The following GPAM variants were observed in gnomAD, a reference collection of about 807,000 sequenced individuals.
GPAM encodes glycerol-3-phosphate acyltransferase, mitochondrial.
GPAM carries 56 observed loss-of-function variants against 105.0 expected under a neutral mutation model. The ratio of observed to expected loss-of-function variants is 0.53; its 90% CI spans 0.43 to 0.67. GPAM has a LOEUF of 0.67. GPAM is among the 30% of genes least tolerant of loss of function. The pLI is 0.00. For missense variants in GPAM, 855 were observed against 989.8 expected, an observed-to-expected ratio of 0.86 and a Z score of 1.83; for synonymous variants, 368 against 354.4, an observed-to-expected ratio of 1.04 and a Z score of -0.43.
intron 20 of GPAM, 78 bp downstream of exon 20, chr10:112,155,786 A>T: frequency 1.1e-6 from 1 of 910,184 alleles, no homozygotes; most frequent in Non-Finnish European, 1.7e-6. Flanking sequence ...CATTTTTCCA[A>T]TTTTCTACAA....
chr10:112,189,159 A>T (rs1424336722), intron 1 of GPAM, among the ~76,000 whole-genome samples: 3 of 152,238 alleles, frequency 2.0e-5, no homozygotes, highest in Admixed American at 6.5e-5. Context: ...AAATATAATG[A>T]TTGTTCTATC....
intron 7 of GPAM, 36 bp downstream of exon 7, chr10:112,173,663 C>T: frequency 6.2e-7 from 1 of 1,602,272 alleles, no homozygotes; most frequent in Non-Finnish European, 8.6e-7. Flanking sequence ...ATCAGCATGG[C>T]TGTGATTGAA....
intron 1 of GPAM, among the ~76,000 whole-genome samples, chr10:112,213,314 A>G (rs1302890810): frequency 3.3e-5 from 5 of 152,142 alleles, no homozygotes; most frequent in African/African-American, 4.8e-5. Context: ...CTTAACTTAT[A>G]GTTTGCTCAT....
At chr10:112,181,319 A>T (rs1434272890) in intron 3 of GPAM, among the ~76,000 whole-genome samples, 1 of 152,096 alleles carries the variant, frequency 6.6e-6, no homozygotes, top group Non-Finnish European at 1.5e-5. Context: ...TAAGTTCCTA[A>T]TTTTTTAAAG....
In GPAM at chr10:112,150,765, C is replaced by T; in HGVS notation, c.*2785G>A. On this transcript the variant is annotated 3_prime_UTR_variant, in exon 22 of 22. Transcript: ENST00000348367. ...TGCAAACTTGGTTTCCCAGCAACAC[C>T]ATTTCTATAAAACACTGATGAACAT... 1.0e-6 allele frequency: 1 copy of T among 985,314 alleles called. No homozygotes were observed. The highest frequency in any genetic ancestry group is 1.7e-5 in the African/African-American group (1 of 57,340). 61.0% of individuals were successfully genotyped at this position (985,314 alleles called of 1,614,324 possible). A position where few individuals can be genotyped will look rare whatever the true frequency, so the allele number is the denominator to read the frequency against.
At chr10:112,200,257 AG>A (rs1177972237) in intron 1 of GPAM, among the ~76,000 whole-genome samples, 4 of 148,324 alleles carry the variant, frequency 2.7e-5, no homozygotes, top group African/African-American at 7.4e-5. Context: ...AGAGAGAGAG[AG>A]AGAGAGAGAG....
intron 17 of GPAM, among the ~76,000 whole-genome samples, chr10:112,158,619 C>T (rs1317031022): frequency 6.6e-6 from 1 of 152,154 alleles, no homozygotes; most frequent in Non-Finnish European, 1.5e-5. Flanking sequence ...GAGCACCCAA[C>T]ACTGCACCAC....
upstream of GPAM, among the ~76,000 whole-genome samples, chr10:112,220,272 G>C (rs78907895): frequency 2.0e-5 from 3 of 152,076 alleles, no homozygotes; most frequent in Admixed American, 6.5e-5. Flanking sequence ...TGAATGTTTC[G>C]GGTGATTGAT....
chr10:112,207,695 T>C (rs902250306), intron 1 of GPAM, among the ~76,000 whole-genome samples: 3 of 152,208 alleles, frequency 2.0e-5, no homozygotes, highest in Admixed American at 2.0e-4. Flanking sequence ...ACAACCATGT[T>C]TGGCCTTCTA....
intron 1 of GPAM, among the ~76,000 whole-genome samples, chr10:112,203,668 T>A (rs1847825850): frequency 6.6e-6 from 1 of 152,242 alleles, no homozygotes; most frequent in Non-Finnish European, 1.5e-5. Flanking sequence ...AATAATGGAT[T>A]TCTAGTGAGC....
chr10:112,155,323 T>A (rs1846997268), intron 20 of GPAM: 1 of 168,334 alleles, frequency 5.9e-6, no homozygotes, highest in African/African-American at 2.4e-5. Flanking sequence ...CTGGCCAAGA[T>A]GTGCAGCAAG....
chr10:112,154,938 T>A (rs1433425240), intron 20 of GPAM: 1 of 566,020 alleles, frequency 1.8e-6, no homozygotes, highest in African/African-American at 1.9e-5. Context: ...GAAAAGAGGG[T>A]GTAGAGAGAG....
upstream of GPAM, among the ~76,000 whole-genome samples, chr10:112,216,966 T>C (rs1589615787): frequency 6.8e-6 from 1 of 147,130 alleles, no homozygotes; most frequent in Non-Finnish European, 1.5e-5. Flanking sequence ...CTCCACTCCT[T>C]AAAAAAAAAA....
Position 112,173,003 on chromosome 10 carries a change from T to C in GPAM, c.624A>G (p.Lys208=). 6.2e-7 allele frequency: 1 copy of C among 1,607,610 alleles called. No homozygotes were observed. Among genetic ancestry groups the C allele is most frequent in the South Asian group, 1.1e-5 (1 of 90,922 alleles). ...NSFFWNIQIH[K]GQLEMVKAAT... ...CAGCTTTAACCATCTCAAGTTGACC[T>C]TTGTGAATTTGAATGTTCCAAAAGA... Residue 208 remains lysine, a synonymous_variant, in exon 8 of 22, where the codon AAA becomes AAG. Coordinates refer to ENST00000348367, the MANE Select transcript of GPAM (RefSeq NM_001244949.2).
At chr10:112,194,883 G>T (rs918060363) in intron 1 of GPAM, among the ~76,000 whole-genome samples, 1 of 152,152 alleles carries the variant, frequency 6.6e-6, no homozygotes, top group African/African-American at 2.4e-5. Flanking sequence ...GAACCTGGAA[G>T]TTCTTGACTT....
chr10:112,173,557 A>T, intron 7 of GPAM, 142 bp downstream of exon 7: 1 of 867,670 alleles, frequency 1.2e-6, no homozygotes, highest in Non-Finnish European at 1.9e-6. Flanking sequence ...TAAGAATATA[A>T]GAAGAGTTTA....
At chr10:112,192,232 C>CT (rs905715945) in intron 1 of GPAM, among the ~76,000 whole-genome samples, 12 of 152,094 alleles carry the variant, frequency 7.9e-5, no homozygotes, top group South Asian at 4.1e-4. Context: ...GACTGAGAGC[C>CT]TTTTTTGCAG....
At chr10:112,189,686 G>C (rs547003577) in intron 1 of GPAM, among the ~76,000 whole-genome samples, 227 of 152,306 alleles carry the variant, frequency 1.5e-3, no homozygotes, top group African/African-American at 5.2e-3. Flanking sequence ...TGTGAACTGA[G>C]AGCAAGGCAA....
At position 112,168,532 on chromosome 10, in the gene GPAM, A is replaced by G. The variant is rs758664154; in HGVS notation, c.895-8T>C. 2 of 1,567,312 alleles carry G rather than the reference A, an allele frequency of 1.3e-6. No homozygotes were observed. The highest frequency in any genetic ancestry group is 2.7e-5 in the African/African-American group (2 of 73,960). On this transcript the variant is annotated splice_polypyrimidine_tract_variant and splice_region_variant and intron_variant, in intron 10 of 21. Coordinates refer to ENST00000348367, the MANE Select transcript of GPAM (RefSeq NM_001244949.2). ...AAGTAATTCAACTATATGCTGGGAT[A>G]TAAGAAGAAAGTAAAACATACATTC...
Sources: gnomAD v4.1 joint callset for allele counts (sites outside exome capture counted in the v4.1 genomes callset) on GRCh38, gnomAD v4.1.1 for gene constraint, MANE v1.5 for transcripts, NCBI Gene and HGNC (gene_info 2026-07-23, HGNC 2026-07-21) for gene names.